Variants in SPATA17 observed in about 807,000 individuals in gnomAD.
SPATA17 encodes the protein spermatogenesis associated 17.
In SPATA17, 53 loss-of-function variants were observed where a neutral mutation model predicts 62.2. The ratio of observed to expected loss-of-function variants is 0.85; its 90% CI spans 0.68 to 1.07. The LOEUF (loss-of-function observed/expected upper bound fraction) is 1.07. SPATA17 is among the 50% of genes least tolerant of loss of function. SPATA17 has a pLI of 0.00. For synonymous variants in SPATA17, 146 were observed against 146.8 expected, an observed-to-expected ratio of 0.99 and a Z score of 0.04; for missense variants, 466 against 425.5, an observed-to-expected ratio of 1.10 and a Z score of -0.84.
At chr1:217,729,999 T>C (rs1057398974) in intron 5 of SPATA17, among the ~76,000 whole-genome samples, 13 of 152,174 alleles carry the variant, frequency 8.5e-5, no homozygotes, top group African/African-American at 2.7e-4. Flanking sequence ...ACAAAGGACA[T>C]GGGGACCACA....
intron 5 of SPATA17, among the ~76,000 whole-genome samples, chr1:217,728,236 T>C (rs886356267): frequency 6.6e-6 from 1 of 152,176 alleles, no homozygotes; most frequent in African/African-American, 2.4e-5. Context: ...TTTAATCAAA[T>C]AGAGCTAATG....
At chr1:217,669,177 G>C in intron 4 of SPATA17, 94 bp downstream of exon 4, 3 of 1,026,430 alleles carry the variant, frequency 2.9e-6, no homozygotes, top group Non-Finnish European at 3.0e-6. Flanking sequence ...ATGCAAATTT[G>C]ATTGATATGC....
At chr1:217,643,265 A>C (rs1670106562) in intron 1 of SPATA17, among the ~76,000 whole-genome samples, 1 of 152,042 alleles carries the variant, frequency 6.6e-6, no homozygotes, top group Non-Finnish European at 1.5e-5. Flanking sequence ...TTATGTAACC[A>C]AACTATTGTC....
intron 5 of SPATA17, among the ~76,000 whole-genome samples, chr1:217,731,410 C>G (rs1237016929): frequency 6.6e-6 from 1 of 152,124 alleles, no homozygotes; most frequent in Non-Finnish European, 1.5e-5. Flanking sequence ...TTTCCCCAAA[C>G]CTCTTCCTCT....
chr1:217,868,710 C>T lies in SPATA17; in HGVS notation c.*1691C>T, dbSNP rs1201393418. 2 of 117,730 alleles carry T rather than the reference C, an allele frequency of 1.7e-5. No individual in the cohort carries two copies. The highest frequency in any genetic ancestry group is 6.5e-5 in the African/African-American group (2 of 30,710). The allele number at this position is 117,730 out of a possible 1,614,324, so 7.3% of individuals were successfully genotyped here. ...TTTTTTAATTTCTGAGACAGAGTCT[C>T]ATTCTGTCACCCAGGTTGGAGTGCA... On this transcript the variant is annotated 3_prime_UTR_variant, in exon 11 of 11. Transcript: ENST00000366933.
At chr1:217,773,325 G>A (rs1373661605) in intron 6 of SPATA17, among the ~76,000 whole-genome samples, 2 of 152,080 alleles carry the variant, frequency 1.3e-5, no homozygotes, top group Non-Finnish European at 2.9e-5. Flanking sequence ...AGTCCAGAGT[G>A]TCTACAAAGA....
chr1:217,850,565 G>A (rs993667563), intron 9 of SPATA17: 16 of 1,595,022 alleles, frequency 1.0e-5, no homozygotes, highest in East Asian at 2.2e-5. Context: ...TCACATTTTC[G>A]ATGGTGTCAC....
intron 8 of SPATA17, among the ~76,000 whole-genome samples, chr1:217,795,924 A>C (rs2102984798): frequency 6.6e-6 from 1 of 152,094 alleles, no homozygotes; most frequent in South Asian, 2.1e-4. Flanking sequence ...CAGCCTCTCT[A>C]GTAGCTGAGA....
intron 5 of SPATA17, among the ~76,000 whole-genome samples, chr1:217,730,327 C>T (rs926032621): frequency 2.0e-5 from 3 of 151,652 alleles, no homozygotes; most frequent in African/African-American, 7.3e-5. Flanking sequence ...CAGCAATTCT[C>T]CTGCCTCAGC....
intron 5 of SPATA17, among the ~76,000 whole-genome samples, chr1:217,723,761 A>G (rs1672194714): frequency 1.3e-5 from 2 of 152,254 alleles, no homozygotes; most frequent in African/African-American, 4.8e-5. Flanking sequence ...AAAAAATCAC[A>G]TGTATGATTG....
intron 5 of SPATA17, among the ~76,000 whole-genome samples, chr1:217,736,059 T>C (rs1672504065): frequency 6.6e-6 from 1 of 152,034 alleles, no homozygotes; most frequent in Non-Finnish European, 1.5e-5. Context: ...TATAGAAATA[T>C]ATTATTTTTC....
chr1:217,830,301 C>T lies in SPATA17; in HGVS notation c.1005+28451C>T, dbSNP rs116185454. Among the ~76,000 whole-genome samples the T allele has an allele frequency of 4.0e-3, 602 of 152,170 alleles. 3 individuals are homozygous for T. Among genetic ancestry groups the T allele is most frequent in the African/African-American group, 0.014 (580 of 41,520 alleles). On this transcript the variant is annotated intron_variant, in intron 9 of 10. Coordinates refer to ENST00000366933, the MANE Select transcript of SPATA17 (RefSeq NM_138796.4). ...ACCTTCTACAAAAAGGCAAAGGAATCCAGTAGTATATAGACCATAAAAATG... is the reference window on the plus strand; with the variant it reads ...ACCTTCTACAAAAAGGCAAAGGAATTCAGTAGTATATAGACCATAAAAATG...
At chr1:217,757,343 T>C (rs1394283047) in intron 6 of SPATA17, among the ~76,000 whole-genome samples, 1 of 152,200 alleles carries the variant, frequency 6.6e-6, no homozygotes, top group Non-Finnish European at 1.5e-5. Context: ...ATAATGAGCT[T>C]GCTTCTATTT....
chr1:217,809,273 G>T (rs763611246), intron 9 of SPATA17, among the ~76,000 whole-genome samples: 1 of 152,056 alleles, frequency 6.6e-6, no homozygotes, highest in Non-Finnish European at 1.5e-5. Flanking sequence ...AAGGCATAAA[G>T]AATGTATACA....
chr1:217,682,188 A>T (rs916282746), intron 4 of SPATA17, among the ~76,000 whole-genome samples: 12 of 152,090 alleles, frequency 7.9e-5, no homozygotes, highest in Non-Finnish European at 1.3e-4. Context: ...TTAATATCAT[A>T]TATTATTTTG....
At chr1:217,862,463 C>T (rs1485873215) in intron 9 of SPATA17, among the ~76,000 whole-genome samples, 2 of 151,934 alleles carry the variant, frequency 1.3e-5, no homozygotes, top group Non-Finnish European at 2.9e-5. Context: ...CCTATGAAGC[C>T]AAGGTAAAAA....
intron 3 of SPATA17, among the ~76,000 whole-genome samples, chr1:217,667,862 G>A (rs555261588): frequency 6.6e-6 from 1 of 152,154 alleles, no homozygotes; most frequent in Admixed American, 6.5e-5. Context: ...AATTTAAAAT[G>A]AAGAAATGTT....
At chr1:217,794,874 T>G (rs1330581884) in intron 8 of SPATA17, among the ~76,000 whole-genome samples, 1 of 152,244 alleles carries the variant, frequency 6.6e-6, no homozygotes, top group Non-Finnish European at 1.5e-5. Flanking sequence ...AGATTGAATT[T>G]TGACTCTTGA....
At chr1:217,782,823 A>T (rs199917659) in intron 8 of SPATA17, among the ~76,000 whole-genome samples, 1 of 151,184 alleles carries the variant, frequency 6.6e-6, no homozygotes, top group South Asian at 2.1e-4. Flanking sequence ...GTAATTTTAA[A>T]TTTTTTTTAG....
Sources: allele counts gnomAD v4.1 joint callset (sites outside exome capture counted in the v4.1 genomes callset), GRCh38; gene constraint gnomAD v4.1.1; transcripts MANE v1.5; gene names NCBI Gene and HGNC (gene_info 2026-07-23, HGNC 2026-07-21).